The following ATXN10 variants were observed in gnomAD, a reference collection of about 807,000 sequenced individuals.
The protein encoded by ATXN10 is ataxin-10.
ATXN10 carries 28 observed loss-of-function variants against 52.9 expected under a neutral mutation model. That is an observed-to-expected ratio of 0.53 (90% CI 0.39 to 0.73). ATXN10 has a LOEUF of 0.73. ATXN10 is among the 30% of genes least tolerant of loss of function. The probability of loss-of-function intolerance (pLI) is 0.00; values close to 1 mark genes in which losing one functional copy is unlikely to be tolerated. For synonymous variants in ATXN10, 226 were observed against 221.5 expected, an observed-to-expected ratio of 1.02 and a Z score of -0.18; for missense variants, 565 against 577.0, an observed-to-expected ratio of 0.98 and a Z score of 0.21.
At chr22:45,722,530 C>G (rs1001099191) in intron 6 of ATXN10, among the ~76,000 whole-genome samples, 1 of 152,130 alleles carries the variant, frequency 6.6e-6, no homozygotes, top group African/African-American at 2.4e-5. Flanking sequence ...CACTCAGTAC[C>G]CACATCGTTA....
At position 45,672,078 on chromosome 22, in the gene ATXN10, G is replaced by A. The variant is rs748000135; in HGVS notation, c.15G>A (p.Arg5=). Residue 5 remains arginine, a synonymous_variant, in exon 1 of 12, where the codon AGG becomes AGA. Coordinates refer to ENST00000252934, the MANE Select transcript of ATXN10 (RefSeq NM_013236.4). ...TGAGCGGCAAGATGGCGGCGCCCAG[G>A]CCGCCGCCTGCCAGGCTGTCGGGCG... is the stretch of plus-strand genomic sequence containing the variant. MAAP[R]PPPARLSGVM... is the part of the protein sequence containing the mutation. The A allele has an allele frequency of 1.4e-5, 22 of 1,537,380 alleles. No homozygotes were observed. The South Asian group carries it at 2.6e-4, about 18-fold the overall frequency.
rs1271888535 is a variant in ATXN10, at chr22:45,828,119, A to C, written c.1238-14872A>C. Among the ~76,000 whole-genome samples, 1 of 152,094 alleles carries C rather than the reference A, an allele frequency of 6.6e-6. No individual in the cohort carries two copies. The highest frequency in any genetic ancestry group is 2.4e-5 in the African/African-American group (1 of 41,414). On this transcript the variant is annotated intron_variant, in intron 10 of 11. Transcript: ENST00000252934. The surrounding 1 kb of genome is among the most constrained non-coding windows in gnomAD (Gnocchi z 4.5). ...TAATCCCAGCAGTTTGGGAGGCCAA[A>C]GTAGGAGGATTGCTGGAGGCCAGGA...
rs117606291 is a variant in ATXN10, at chr22:45,794,542, G to A, written c.1174-12417G>A. Among the ~76,000 whole-genome samples the A allele has an allele frequency of 6.0e-3, 910 of 151,010 alleles. 19 individuals are homozygous for A. Among genetic ancestry groups the A allele is most frequent in the Non-Finnish European group, 5.9e-3 (403 of 67,802 alleles). On this transcript the variant is annotated intron_variant, in intron 9 of 11. Coordinates refer to ENST00000252934, the MANE Select transcript of ATXN10 (RefSeq NM_013236.4). ...TTACAAATAACCAGCTTTTGGTTTT[G>A]GCTAATCTTCTCTGTAGTGTTGTTG...
In ATXN10 at chr22:45,690,275, CA is replaced by C. The variant is rs1021601832; in HGVS notation, c.308+373del. ...TGGGCCACATTGTGAGACCCTGTCT[CA>C]GGGAAAAAAAAAAAAAAAAAGTTGT... On this transcript the variant is annotated intron_variant, in intron 2 of 11. Coordinates refer to ENST00000252934, the MANE Select transcript of ATXN10 (RefSeq NM_013236.4). The surrounding 1 kb of genome is among the most constrained non-coding windows in gnomAD (Gnocchi z 4.5). Among the ~76,000 whole-genome samples the C allele has an allele frequency of 2.1e-5, 3 of 142,766 alleles. No individual in the cohort carries two copies. The highest frequency in any genetic ancestry group is 7.8e-5 in the African/African-American group (3 of 38,228). The allele number at this position is 142,766 out of a possible 152,430, so 93.7% of individuals were successfully genotyped here. A position where few individuals can be genotyped will look rare whatever the true frequency, so the allele number is the denominator to read the frequency against.
intron 10 of ATXN10, among the ~76,000 whole-genome samples, chr22:45,839,488 G>A (rs1929273868): frequency 6.6e-6 from 1 of 152,188 alleles, no homozygotes; most frequent in African/African-American, 2.4e-5. Context: ...GAGACACCTG[G>A]CAGCCCTTCA....
chr22:45,760,292 G>T (rs1926337176), intron 9 of ATXN10, among the ~76,000 whole-genome samples: 1 of 152,072 alleles, frequency 6.6e-6, no homozygotes, highest in Non-Finnish European at 1.5e-5. Context: ...ATTAATATGG[G>T]ACTCTGTGTA....
intron 9 of ATXN10, among the ~76,000 whole-genome samples, chr22:45,761,324 A>G (rs1268169084): frequency 2.6e-5 from 4 of 152,182 alleles, no homozygotes; most frequent in Non-Finnish European, 4.4e-5. Flanking sequence ...CTACAAGCCT[A>G]GCATGTAAGC....
At chr22:45,729,735 A>T (rs1018193075) in intron 7 of ATXN10, 145 bp downstream of exon 7, 20 of 940,802 alleles carry the variant, frequency 2.1e-5, no homozygotes, top group Non-Finnish European at 2.6e-5. Context: ...TAGTTGGAAA[A>T]TTTAGATAAG....
rs759496641 is a variant in ATXN10 at position 45,772,898 on chromosome 22, C to T, written c.1173+32360C>T. Reference sequence around the variant, plus strand: ...AAATGGTATGGTATTTGCATATCACCTATGTACATCCTCCCGTATACTTCA... The same window carrying T: ...AAATGGTATGGTATTTGCATATCACTTATGTACATCCTCCCGTATACTTCA... On this transcript the variant is annotated intron_variant, in intron 9 of 11. Transcript: ENST00000252934. This position sits in a 1 kb window ranked among gnomAD's most constrained non-coding sequence, Gnocchi z 4.1. Among the ~76,000 whole-genome samples, 4 of 152,218 alleles carry T rather than the reference C, an allele frequency of 2.6e-5. No homozygotes were observed. The highest frequency in any genetic ancestry group is 5.9e-5 in the Non-Finnish European group (4 of 68,044).
In ATXN10 at chr22:45,732,630, C is replaced by T. The variant is rs977051305; in HGVS notation, c.894+3040C>T. On this transcript the variant is annotated intron_variant, in intron 7 of 11. Transcript: ENST00000252934. This position sits in a 1 kb window ranked among gnomAD's most constrained non-coding sequence, Gnocchi z 4.5. ...TGCCAGTATTTAAATATGCCAAAGA[C>T]CAAGTGCTATACTGGAGCTGGCCTG... Among the ~76,000 whole-genome samples, 54 of 151,090 alleles carry T rather than the reference C, an allele frequency of 3.6e-4. No individual in the cohort carries two copies. Among genetic ancestry groups the T allele is most frequent in the African/African-American group, 1.2e-3 (51 of 41,068 alleles).
At position 45,795,353 on chromosome 22, in the gene ATXN10, G is replaced by A. The variant is rs1927672547; in HGVS notation, c.1174-11606G>A. Among the ~76,000 whole-genome samples the A allele has an allele frequency of 7.3e-6, 1 of 136,980 alleles. No homozygotes were observed. Among genetic ancestry groups the A allele is most frequent in the South Asian group, 2.4e-4 (1 of 4,140 alleles). The allele number at this position is 136,980 out of a possible 152,430, so 89.9% of individuals were successfully genotyped here. A position where few individuals can be genotyped will look rare whatever the true frequency, so the allele number is the denominator to read the frequency against. Reference sequence around the variant, plus strand: ...TATCCAACTAAAAGACTACTAGAATGGATTCTATTCTATTCTATTCTATTC... The same window carrying A: ...TATCCAACTAAAAGACTACTAGAATAGATTCTATTCTATTCTATTCTATTC... On this transcript the variant is annotated intron_variant, in intron 9 of 11. Transcript: ENST00000252934. The surrounding 1 kb of genome is among the most constrained non-coding windows in gnomAD (Gnocchi z 4.6).
rs773141500 is a variant in ATXN10 at position 45,672,086 on chromosome 22, C to T, written c.23C>T (p.Pro8Leu). 4.6e-5 allele frequency: 70 copies of T among 1,538,462 alleles called. No individual in the cohort carries two copies. The highest frequency in any genetic ancestry group is 7.2e-5 in the South Asian group (6 of 83,902). MAAPRPP[P>L]ARLSGVMVPA... Reference sequence around the variant, plus strand: ...AAGATGGCGGCGCCCAGGCCGCCGCCTGCCAGGCTGTCGGGCGTCATGGTG... The same window carrying T: ...AAGATGGCGGCGCCCAGGCCGCCGCTTGCCAGGCTGTCGGGCGTCATGGTG... The change falls in exon 1 of 12, where the codon CCT becomes CTT. Residue 8 changes from proline to leucine, a missense_variant. Transcript: ENST00000252934.
Position 45,833,797 on chromosome 22 carries a change from A to C in ATXN10, c.1238-9194A>C, listed in dbSNP as rs1929069674. Among the ~76,000 whole-genome samples, 1 of 152,162 alleles carries C rather than the reference A, an allele frequency of 6.6e-6. No homozygotes were observed. The highest frequency in any genetic ancestry group is 2.4e-5 in the African/African-American group (1 of 41,428). On this transcript the variant is annotated intron_variant, in intron 10 of 11. Transcript: ENST00000252934. This position sits in a 1 kb window ranked among gnomAD's most constrained non-coding sequence, Gnocchi z 4.3. ...TGCAGTCATAGCAACCCGGAAGAAG[A>C]ACTGCTCTGCCCTCCAGAGGTCTCT... is the stretch of plus-strand genomic sequence containing the variant.
chr22:45,729,396 T>A, intron 6 of ATXN10, 29 bp from the exon 7 acceptor site: 1 of 1,610,938 alleles, frequency 6.2e-7, no homozygotes, highest in Non-Finnish European at 8.5e-7. Flanking sequence ...GTATTATAGA[T>A]TCATGCAGAA....
At chr22:45,716,350 A>G (rs1031260259) in intron 5 of ATXN10, among the ~76,000 whole-genome samples, 2 of 141,854 alleles carry the variant, frequency 1.4e-5, no homozygotes, top group Non-Finnish European at 3.0e-5. Flanking sequence ...TTTTGGAGAT[A>G]GAGTCTTGCT....
At chr22:45,723,145 A>G (rs980853800) in intron 6 of ATXN10, among the ~76,000 whole-genome samples, 2 of 151,612 alleles carry the variant, frequency 1.3e-5, no homozygotes, top group African/African-American at 4.9e-5. Flanking sequence ...GTGTGTTTAT[A>G]TATATATATG....
Position 45,843,602 on chromosome 22 carries a change from T to G in ATXN10, c.1426-67T>G, listed in dbSNP as rs1378812456. ...GACCAAAGTTCTGGGTTTTTTCCCCTTTTGTCTGATGAATCTTGTGAACAG... is the reference window on the plus strand; with the variant it reads ...GACCAAAGTTCTGGGTTTTTTCCCCGTTTGTCTGATGAATCTTGTGAACAG... On this transcript the variant is annotated intron_variant, in intron 11 of 11. Transcript: ENST00000252934. The surrounding 1 kb of genome is among the most constrained non-coding windows in gnomAD (Gnocchi z 4.5). 2 of 1,546,972 alleles carry G rather than the reference T, an allele frequency of 1.3e-6. No homozygotes were observed. Among genetic ancestry groups the G allele is most frequent in the East Asian group, 4.5e-5 (2 of 44,430 alleles).
rs967531472 is a variant in ATXN10, at chr22:45,757,915, C to T, written c.1173+17377C>T. Among the ~76,000 whole-genome samples, 1 of 152,208 alleles carries T rather than the reference C, an allele frequency of 6.6e-6. No homozygotes were observed. The highest frequency in any genetic ancestry group is 2.4e-5 in the African/African-American group (1 of 41,454). ...TATAAAATTGGCATTTATTGGACCT[C>T]TGCTGTGGATACTATTTACTTCTTT... On this transcript the variant is annotated intron_variant, in intron 9 of 11. Coordinates refer to ENST00000252934, the MANE Select transcript of ATXN10 (RefSeq NM_013236.4). The surrounding 1 kb of genome is among the most constrained non-coding windows in gnomAD (Gnocchi z 4.6).
chr22:45,729,847 G>A (rs1171744717), intron 7 of ATXN10: 2 of 491,134 alleles, frequency 4.1e-6, no homozygotes, highest in African/African-American at 3.9e-5. Flanking sequence ...CACAGACGTA[G>A]ACATGTGCAC....
Sources: allele counts gnomAD v4.1 joint callset (sites outside exome capture counted in the v4.1 genomes callset), GRCh38; gene constraint gnomAD v4.1.1; non-coding constraint Gnocchi (gnomAD v3.1); transcripts MANE v1.5; gene names NCBI Gene and HGNC (gene_info 2026-07-23, HGNC 2026-07-21).